Variants in TMTC2 observed in about 807,000 individuals in gnomAD.
TMTC2 encodes the protein protein O-mannosyl-transferase TMTC2.
A neutral mutation model predicts 82.4 loss-of-function variants in TMTC2; 43 were observed. That is an observed-to-expected ratio of 0.52 (90% confidence interval 0.41 to 0.67). TMTC2 has a LOEUF of 0.67. Among genes scored for constraint, TMTC2 ranks in the 30% least tolerant of loss-of-function variants. The pLI is 0.00. For missense variants in TMTC2, 919 were observed against 1,012.4 expected, an observed-to-expected ratio of 0.91 and a Z score of 1.25; for synonymous variants, 408 against 381.9, an observed-to-expected ratio of 1.07 and a Z score of -0.80.
At chr12:83,095,771 A>T (rs1036893889) in intron 11 of TMTC2, among the ~76,000 whole-genome samples, 2 of 152,206 alleles carry the variant, frequency 1.3e-5, no homozygotes, top group Non-Finnish European at 2.9e-5. Context: ...CATGTAAGCC[A>T]TCTATTATAA....
intron 9 of TMTC2, among the ~76,000 whole-genome samples, chr12:83,042,216 C>T (rs1881920619): frequency 6.6e-6 from 1 of 152,310 alleles, no homozygotes; most frequent in East Asian, 1.9e-4. Flanking sequence ...TTTGAGCTGC[C>T]TCTCTCCATT....
At position 82,981,744 on chromosome 12, in the gene TMTC2, C is replaced by T. The variant is rs149998203; in HGVS notation, c.1949-4181C>T. On this transcript the variant is annotated intron_variant, in intron 7 of 11. Transcript: ENST00000321196. ...TGTCCTATTCCCGACCAAGTGTCTT[C>T]GTTTCCTTCCTTATTGAATTTATTG... Among the ~76,000 whole-genome samples the T allele has an allele frequency of 8.9e-4, 135 of 151,830 alleles. 1 individual carries two copies. Among genetic ancestry groups the T allele is most frequent in the Non-Finnish European group, 1.5e-3 (99 of 67,750 alleles).
At chr12:83,120,943 A>G (rs1381977215) in intron 11 of TMTC2, among the ~76,000 whole-genome samples, 1 of 152,014 alleles carries the variant, frequency 6.6e-6, no homozygotes. Context: ...GTTCAGTTCT[A>G]TTGCTGAGAC....
chr12:82,755,161 A>G (rs1285795200), intron 1 of TMTC2, among the ~76,000 whole-genome samples: 1 of 152,246 alleles, frequency 6.6e-6, no homozygotes, highest in African/African-American at 2.4e-5. Context: ...AATTCTGATT[A>G]CTGGAAGCCT....
intron 1 of TMTC2, among the ~76,000 whole-genome samples, chr12:82,724,318 T>C (rs1478492748): frequency 6.6e-6 from 1 of 152,180 alleles, no homozygotes; most frequent in Non-Finnish European, 1.5e-5. Context: ...AGACTTGTGA[T>C]ATGGTTTGGC....
chr12:82,804,695 T>C (rs1192170943), intron 1 of TMTC2, among the ~76,000 whole-genome samples: 1 of 152,104 alleles, frequency 6.6e-6, no homozygotes. Context: ...GGAGTAACTT[T>C]TTCCGGTATT....
rs184205294 is a variant in TMTC2, at chr12:83,095,530, G to A, written c.2331+33699G>A. On this transcript the variant is annotated intron_variant, in intron 11 of 11. Coordinates refer to ENST00000321196, the MANE Select transcript of TMTC2 (RefSeq NM_152588.3). ...GCTGGGATTACAGGCATGAGCCATC[G>A]CAAAATTTTATGTTTTTTGGCCTGA... 1.5e-3 allele frequency among the ~76,000 whole-genome samples: 235 copies of A among 152,176 alleles called. 1 individual carries two copies. Among genetic ancestry groups the A allele is most frequent in the South Asian group, 5.0e-3 (24 of 4,808 alleles).
chr12:82,734,370 G>A (rs1296140561), intron 1 of TMTC2, among the ~76,000 whole-genome samples: 1 of 152,106 alleles, frequency 6.6e-6, no homozygotes, highest in Non-Finnish European at 1.5e-5. Flanking sequence ...TGTGATTGTA[G>A]GAGTGAGGTT....
chr12:83,120,347 G>A (rs1406892664), intron 11 of TMTC2, among the ~76,000 whole-genome samples: 1 of 152,152 alleles, frequency 6.6e-6, no homozygotes, highest in Non-Finnish European at 1.5e-5. Context: ...TGGTGGCTTG[G>A]TAGTGGTGAA....
chr12:83,110,879 C>T (rs1247397306), intron 11 of TMTC2, among the ~76,000 whole-genome samples: 1 of 152,206 alleles, frequency 6.6e-6, no homozygotes, highest in African/African-American at 2.4e-5. Flanking sequence ...TATCTCCCAC[C>T]CAGGTCTTTT....
chr12:82,846,363 T>TAAA (rs1235006803), intron 1 of TMTC2, among the ~76,000 whole-genome samples: 1 of 151,218 alleles, frequency 6.6e-6, no homozygotes, highest in African/African-American at 2.4e-5. Flanking sequence ...GTCTTTTTTT[T>TAAA]AAAAAAAACG....
chr12:82,812,356 G>A (rs1265676385), intron 1 of TMTC2, among the ~76,000 whole-genome samples: 1 of 151,992 alleles, frequency 6.6e-6, no homozygotes, highest in East Asian at 1.9e-4. Context: ...TTAAAAAAAA[G>A]AATCCCATAA....
chr12:82,960,072 G>T (rs189798353), intron 4 of TMTC2, among the ~76,000 whole-genome samples: 2 of 151,946 alleles, frequency 1.3e-5, no homozygotes, highest in Admixed American at 6.6e-5. Flanking sequence ...AAAAATGCTC[G>T]ACATCACTCA....
At chr12:82,914,191 A>G (rs907171295) in intron 3 of TMTC2, among the ~76,000 whole-genome samples, 2 of 152,246 alleles carry the variant, frequency 1.3e-5, no homozygotes, top group African/African-American at 4.8e-5. Context: ...TTTTGCATAT[A>G]GCAAAGATAA....
chr12:82,765,709 AC>A, intron 1 of TMTC2, among the ~76,000 whole-genome samples: 1 of 147,294 alleles, frequency 6.8e-6, no homozygotes, highest in Non-Finnish European at 1.5e-5. Context: ...AAACAAACAA[AC>A]AAACAAAAAA....
intron 1 of TMTC2, among the ~76,000 whole-genome samples, chr12:82,780,784 A>AATGTCCTATATAG: frequency 1.0e-5 from 1 of 96,626 alleles, no homozygotes. Context: ...TTTAAATAAA[A>AATGTCCTATATAG]TTTCTCAACA....
chr12:82,775,304 C>G (rs11115412), intron 1 of TMTC2, among the ~76,000 whole-genome samples: 25,391 of 151,680 alleles, frequency 0.17, 2,673 homozygotes, highest in African/African-American at 0.29. Flanking sequence ...AAAAAAAATA[C>G]CCAGGCATGG....
intron 1 of TMTC2, chr12:82,760,808 G>A: frequency 2.5e-6 from 1 of 394,412 alleles, no homozygotes; most frequent in South Asian, 1.7e-5. Context: ...GAGGGATCTA[G>A]GTTTCATACT....
chr12:82,992,946 C>A (rs1879459224), intron 8 of TMTC2, among the ~76,000 whole-genome samples: 1 of 152,100 alleles, frequency 6.6e-6, no homozygotes, highest in Non-Finnish European at 1.5e-5. Flanking sequence ...GAGATAATTT[C>A]AGCTATATCT....
Sources: allele counts gnomAD v4.1 joint callset (sites outside exome capture counted in the v4.1 genomes callset), GRCh38; gene constraint gnomAD v4.1.1; transcripts MANE v1.5; gene names NCBI Gene and HGNC (gene_info 2026-07-23, HGNC 2026-07-21).